The following FHIT variants were observed in gnomAD, a reference collection of about 807,000 sequenced individuals.
FHIT encodes bis(5'-adenosyl)-triphosphatase.
In FHIT, 19 loss-of-function variants were observed where a neutral mutation model predicts 17.9. The ratio of observed to expected loss-of-function variants is 1.06; its 90% CI spans 0.74 to 1.56. The LOEUF is 1.56. Ranked by LOEUF, FHIT falls within the 40% of genes most tolerant of loss-of-function variation. The pLI, the probability that FHIT is intolerant of heterozygous loss-of-function variation, is 0.00. For synonymous variants in FHIT, 81 were observed against 69.7 expected (o/e 1.16, Z -0.81); for missense variants, 248 against 189.2 (o/e 1.31, Z -1.82).
At chr3:59,796,345 C>A (rs1327408136) in intron 8 of FHIT, among the ~76,000 whole-genome samples, 1 of 152,146 alleles carries the variant, frequency 6.6e-6, no homozygotes, top group African/African-American at 2.4e-5. Flanking sequence ...CCCTTGGTCA[C>A]AAGGGCTTCC....
chr3:60,060,784 A>G (rs1428675971), intron 5 of FHIT, among the ~76,000 whole-genome samples: 1 of 152,192 alleles, frequency 6.6e-6, no homozygotes, highest in Non-Finnish European at 1.5e-5. Flanking sequence ...ACTGGAGTGT[A>G]CCAGTTAGAT....
intron 5 of FHIT, among the ~76,000 whole-genome samples, chr3:60,535,099 C>T (rs1219938273): frequency 1.3e-5 from 2 of 152,156 alleles, no homozygotes; most frequent in Non-Finnish European, 2.9e-5. Context: ...TAGTGCCTGC[C>T]TGTGGTCCCA....
intron 8 of FHIT, among the ~76,000 whole-genome samples, chr3:59,828,845 C>CTGTG (rs1246352377): frequency 2.0e-5 from 3 of 150,082 alleles, no homozygotes; most frequent in South Asian, 2.1e-4. Context: ...ATGGTACTCT[C>CTGTG]TCTGTGTGTG....
intron 5 of FHIT, among the ~76,000 whole-genome samples, chr3:60,098,292 CTG>C (rs1704048348): frequency 7.0e-6 from 1 of 143,804 alleles, no homozygotes; most frequent in Admixed American, 7.2e-5. Context: ...AATCGCCACA[CTG>C]ACTTCCACAA....
rs1467611651 is a variant in FHIT, at chr3:60,027,139, ACACACAC to A, written c.104-12994_104-12988del. 3.5e-4 allele frequency among the ~76,000 whole-genome samples: 44 copies of A among 124,318 alleles called. 4 individuals are homozygous for A. In the East Asian group the frequency reaches 5.4e-3, roughly 15 times the overall value. The allele number at this position is 124,318 out of a possible 152,430, so 81.6% of individuals were successfully genotyped here. The stretch of plus-strand genomic sequence containing the variant: ...CACACACACACACACACACACACAC[ACACACAC>A]ACAAAATTAGTAAACCCAATAATCC... On this transcript the variant is annotated intron_variant, in intron 5 of 9. Coordinates refer to ENST00000492590, the MANE Select transcript of FHIT (RefSeq NM_002012.4).
chr3:60,544,968 T>C (rs897803990), intron 4 of FHIT, among the ~76,000 whole-genome samples: 2 of 152,228 alleles, frequency 1.3e-5, no homozygotes, highest in Non-Finnish European at 2.9e-5. Flanking sequence ...AAAGAGAGTT[T>C]ATTAAACGAG....
At chr3:60,891,521 G>A (rs536773293) in intron 3 of FHIT, among the ~76,000 whole-genome samples, 5 of 152,248 alleles carry the variant, frequency 3.3e-5, no homozygotes, top group African/African-American at 1.2e-4. Context: ...GCCATTCCAG[G>A]GAGATAAACC....
At chr3:60,053,048 T>A (rs1701946348) in intron 5 of FHIT, among the ~76,000 whole-genome samples, 1 of 152,006 alleles carries the variant, frequency 6.6e-6, no homozygotes, top group African/African-American at 2.4e-5. Context: ...GCTTCAGGCA[T>A]GCTGACCAGT....
intron 8 of FHIT, among the ~76,000 whole-genome samples, chr3:59,879,101 G>T (rs1703292288): frequency 6.6e-6 from 1 of 152,096 alleles, no homozygotes; most frequent in African/African-American, 2.4e-5. Context: ...TCCAGTGGAT[G>T]AGCTTCTCAC....
Position 60,487,777 on chromosome 3 carries a change from AGAT to A in FHIT, c.103+49080_103+49082del, listed in dbSNP as rs201356661. 4.0e-4 allele frequency among the ~76,000 whole-genome samples: 61 copies of A among 152,304 alleles called. No homozygotes were observed. The East Asian group carries it at 0.011, about 27-fold the overall frequency. Reference sequence around the variant, plus strand: ...TTTAGCTCATTCCTTGACAAGTCAGAGATGATGAAGTCTTTAATGCTCACCTAT... The same window carrying A: ...TTTAGCTCATTCCTTGACAAGTCAGAGATGAAGTCTTTAATGCTCACCTAT... On this transcript the variant is annotated intron_variant, in intron 5 of 9. Coordinates refer to ENST00000492590, the MANE Select transcript of FHIT (RefSeq NM_002012.4).
At chr3:59,895,968 T>G (rs887810306) in intron 8 of FHIT, among the ~76,000 whole-genome samples, 1 of 152,212 alleles carries the variant, frequency 6.6e-6, no homozygotes, top group Non-Finnish European at 1.5e-5. Context: ...TTCATCTAGA[T>G]CCTTACATGG....
chr3:59,956,972 T>C (rs921334383), intron 7 of FHIT, among the ~76,000 whole-genome samples: 28 of 152,312 alleles, frequency 1.8e-4, no homozygotes, highest in African/African-American at 3.1e-4. Flanking sequence ...CAAATATTGA[T>C]TTTGAGACTT....
intron 5 of FHIT, among the ~76,000 whole-genome samples, chr3:60,060,472 T>C (rs1702254045): frequency 6.6e-6 from 1 of 152,226 alleles, no homozygotes; most frequent in African/African-American, 2.4e-5. Flanking sequence ...ACATGGTTTA[T>C]GTAATGATTA....
chr3:60,594,434 T>C (rs2038193070), intron 4 of FHIT, among the ~76,000 whole-genome samples: 1 of 152,128 alleles, frequency 6.6e-6, no homozygotes, highest in South Asian at 2.1e-4. Context: ...CGGCCCCAAA[T>C]GGTTGGTACT....
At chr3:60,157,355 C>G (rs1700747423) in intron 5 of FHIT, among the ~76,000 whole-genome samples, 1 of 152,144 alleles carries the variant, frequency 6.6e-6, no homozygotes, top group Admixed American at 6.5e-5. Context: ...GTTGTTCTAC[C>G]AGTAGGTGCT....
chr3:60,119,637 G>A (rs1400147251), intron 5 of FHIT, among the ~76,000 whole-genome samples: 2 of 152,058 alleles, frequency 1.3e-5, no homozygotes, highest in Non-Finnish European at 2.9e-5. Flanking sequence ...AGGAAATCAA[G>A]ACTCACCTGT....
intron 5 of FHIT, among the ~76,000 whole-genome samples, chr3:60,022,905 G>A (rs997518291): frequency 2.6e-5 from 4 of 152,168 alleles, no homozygotes; most frequent in Non-Finnish European, 5.9e-5. Context: ...TAACCGTTAT[G>A]AAAATCTATT....
intron 5 of FHIT, among the ~76,000 whole-genome samples, chr3:60,069,903 T>A (rs2106966915): frequency 6.6e-6 from 1 of 152,304 alleles, no homozygotes; most frequent in African/African-American, 2.4e-5. Flanking sequence ...AAATTTACCA[T>A]ATAAAAACTT....
At chr3:61,009,669 TG>T (rs1394223284) in intron 3 of FHIT, among the ~76,000 whole-genome samples, 1 of 152,028 alleles carries the variant, frequency 6.6e-6, no homozygotes, top group African/African-American at 2.4e-5. Flanking sequence ...GATTTGAGAA[TG>T]GAGTACATGT....
Sources: allele counts gnomAD v4.1 joint callset (sites outside exome capture counted in the v4.1 genomes callset), GRCh38; gene constraint gnomAD v4.1.1; transcripts MANE v1.5; gene names NCBI Gene and HGNC (gene_info 2026-07-23, HGNC 2026-07-21).